Variants in SPOCK1 observed in about 807,000 individuals in gnomAD.
The protein encoded by SPOCK1 is SPARC (osteonectin), cwcv and kazal like domains proteoglycan 1, also known as testican-1.
In SPOCK1, 23 loss-of-function variants were observed where a neutral mutation model predicts 55.3. The observed-to-expected ratio is 0.42, with a 90% CI of 0.30 to 0.59. SPOCK1 has a LOEUF of 0.59. Ranked by LOEUF, SPOCK1 falls within the 20% of genes least tolerant of loss-of-function variation. The probability of loss-of-function intolerance (pLI) is 0.22; values close to 1 mark genes in which losing one functional copy is unlikely to be tolerated. For missense variants in SPOCK1, 499 were observed against 552.5 expected, an observed-to-expected ratio of 0.90 and a Z score of 0.97; for synonymous variants, 226 against 221.0, an observed-to-expected ratio of 1.02 and a Z score of -0.20.
chr5:137,334,301 T>C (rs1344206911), intron 2 of SPOCK1, among the ~76,000 whole-genome samples: 1 of 152,218 alleles, frequency 6.6e-6, no homozygotes, highest in Non-Finnish European at 1.5e-5. Context: ...CTCTTTCAAA[T>C]ATATGAACAG....
At chr5:137,404,960 A>G (rs1420818481) in intron 2 of SPOCK1, among the ~76,000 whole-genome samples, 1 of 152,216 alleles carries the variant, frequency 6.6e-6, no homozygotes, top group Non-Finnish European at 1.5e-5. Context: ...CTGGCTGCCA[A>G]TGCAGCAAAC....
chr5:137,415,141 G>A (rs1276779968), intron 2 of SPOCK1, among the ~76,000 whole-genome samples: 2 of 152,184 alleles, frequency 1.3e-5, no homozygotes, highest in Admixed American at 6.5e-5. Flanking sequence ...TGAGAAAAAT[G>A]TATTTCAGAA....
chr5:137,118,643 A>G (rs968020352), intron 4 of SPOCK1, among the ~76,000 whole-genome samples: 21 of 152,228 alleles, frequency 1.4e-4, no homozygotes, highest in African/African-American at 5.1e-4. Context: ...ATACATGTAC[A>G]GGTGTAAATT....
chr5:137,245,334 A>C (rs1756373561), intron 3 of SPOCK1, among the ~76,000 whole-genome samples: 1 of 152,242 alleles, frequency 6.6e-6, no homozygotes, highest in Non-Finnish European at 1.5e-5. Context: ...TTTTAGAAAC[A>C]CATGGATGTA....
intron 2 of SPOCK1, among the ~76,000 whole-genome samples, chr5:137,489,656 T>C (rs879351839): frequency 1.3e-5 from 2 of 152,202 alleles, no homozygotes; most frequent in Admixed American, 6.5e-5. Flanking sequence ...CTTTTTGCAG[T>C]TGACTCATTC....
intron 5 of SPOCK1, among the ~76,000 whole-genome samples, chr5:137,089,454 C>T (rs895159255): frequency 3.9e-5 from 6 of 152,140 alleles, no homozygotes; most frequent in African/African-American, 1.4e-4. Flanking sequence ...CCAGCTACAA[C>T]ATGATAGCAG....
intron 2 of SPOCK1, among the ~76,000 whole-genome samples, chr5:137,364,681 C>A (rs1041709035): frequency 6.6e-6 from 1 of 152,206 alleles, no homozygotes; most frequent in African/African-American, 2.4e-5. Context: ...ACCTGCCCCC[C>A]CGAGCCTATA....
chr5:137,247,350 A>G (rs1366597029), intron 3 of SPOCK1, among the ~76,000 whole-genome samples: 1 of 152,014 alleles, frequency 6.6e-6, no homozygotes, highest in Admixed American at 6.6e-5. Context: ...CAAACATGCC[A>G]GGTTTAGACT....
At chr5:137,150,461 G>T (rs1413884443) in intron 3 of SPOCK1, among the ~76,000 whole-genome samples, 2 of 152,172 alleles carry the variant, frequency 1.3e-5, no homozygotes, top group Non-Finnish European at 2.9e-5. Flanking sequence ...GAGAAGCTCT[G>T]TGGGCTTTGA....
chr5:137,221,694 C>T (rs1415180306), intron 3 of SPOCK1, among the ~76,000 whole-genome samples: 1 of 152,098 alleles, frequency 6.6e-6, no homozygotes, highest in African/African-American at 2.4e-5. Context: ...TAGACTGTAA[C>T]TAAGTTCATT....
intron 2 of SPOCK1, among the ~76,000 whole-genome samples, chr5:137,287,184 C>T (rs780483856): frequency 4.6e-5 from 7 of 152,222 alleles, no homozygotes; most frequent in Non-Finnish European, 7.3e-5. Context: ...CAAGTCCCCA[C>T]TTGGCTGCCA....
chr5:137,446,056 A>G (rs1219301405), intron 2 of SPOCK1, among the ~76,000 whole-genome samples: 1 of 152,212 alleles, frequency 6.6e-6, no homozygotes, highest in Non-Finnish European at 1.5e-5. Flanking sequence ...TAAAGCTCTC[A>G]GAAATCCCTT....
chr5:137,431,518 A>T (rs1235743584), intron 2 of SPOCK1, among the ~76,000 whole-genome samples: 1 of 152,190 alleles, frequency 6.6e-6, no homozygotes, highest in Non-Finnish European at 1.5e-5. Flanking sequence ...CTCATGTCTA[A>T]ATTTGATCCC....
intron 4 of SPOCK1, among the ~76,000 whole-genome samples, chr5:137,119,389 T>C (rs139700599): frequency 6.6e-6 from 1 of 152,230 alleles, no homozygotes; most frequent in East Asian, 1.9e-4. Context: ...TAATCTGTCA[T>C]GTAAAACGAT....
At chr5:137,006,028 T>G (rs758683329) in intron 6 of SPOCK1, among the ~76,000 whole-genome samples, 77 of 152,318 alleles carry the variant, frequency 5.1e-4, no homozygotes, top group Non-Finnish European at 9.1e-4. Context: ...TGTGTGGTGT[T>G]ATTTCTGAAG....
intron 2 of SPOCK1, among the ~76,000 whole-genome samples, chr5:137,347,475 A>G (rs1200122685): frequency 1.3e-5 from 2 of 152,152 alleles, no homozygotes; most frequent in Admixed American, 1.3e-4. Context: ...CATGCCTGTA[A>G]TCCCAGCACT....
intron 6 of SPOCK1, among the ~76,000 whole-genome samples, chr5:137,038,391 G>A (rs2126989779): frequency 6.6e-6 from 1 of 152,314 alleles, no homozygotes; most frequent in African/African-American, 2.4e-5. Flanking sequence ...AAGGGATGAA[G>A]ATCCCAGTAG....
chr5:137,134,994 T>G (rs941269200), intron 4 of SPOCK1, among the ~76,000 whole-genome samples: 6 of 152,196 alleles, frequency 3.9e-5, no homozygotes, highest in Non-Finnish European at 5.9e-5. Context: ...TTATTCCAGA[T>G]AGTTAAGAAG....
At chr5:137,430,547 C>A (rs1256542406) in intron 2 of SPOCK1, among the ~76,000 whole-genome samples, 1 of 152,212 alleles carries the variant, frequency 6.6e-6, no homozygotes, top group Admixed American at 6.5e-5. Flanking sequence ...CCCAGCCTAG[C>A]AAAACTACAT....
Sources: allele counts gnomAD v4.1 joint callset (sites outside exome capture counted in the v4.1 genomes callset), GRCh38; gene constraint gnomAD v4.1.1; transcripts MANE v1.5; gene names NCBI Gene and HGNC (gene_info 2026-07-23, HGNC 2026-07-21).